MDGA2: variants seen among roughly 807,000 people sequenced by gnomAD.
MDGA2 encodes MAM domain-containing glycosylphosphatidylinositol anchor protein 2.
In MDGA2, 40 loss-of-function variants were observed where a neutral mutation model predicts 117.8. The ratio of observed to expected loss-of-function variants is 0.34; its 90% CI spans 0.26 to 0.44. The LOEUF (loss-of-function observed/expected upper bound fraction) is 0.44, where lower values mean the gene tolerates loss of function less well. MDGA2 is among the 20% of genes least tolerant of loss of function. The pLI is 1.00. For missense variants in MDGA2, 1,123 were observed against 1,250.6 expected (o/e 0.90, Z 1.54); for synonymous variants, 452 against 439.0 (o/e 1.03, Z -0.37).
chr14:47,293,471 A>G (rs947391938), intron 2 of MDGA2, among the ~76,000 whole-genome samples: 3 of 152,224 alleles, frequency 2.0e-5, no homozygotes, highest in Admixed American at 6.5e-5. Context: ...GGCATAGAGA[A>G]GAGACAAATT....
chr14:47,490,764 T>C (rs1441070773), intron 1 of MDGA2, among the ~76,000 whole-genome samples: 1 of 152,124 alleles, frequency 6.6e-6, no homozygotes, highest in Non-Finnish European at 1.5e-5. Flanking sequence ...TCAGCTGTAA[T>C]AAGTGAAATG....
At chr14:47,660,207 C>T (rs1897819733) in intron 1 of MDGA2, among the ~76,000 whole-genome samples, 1 of 152,102 alleles carries the variant, frequency 6.6e-6, no homozygotes, top group Admixed American at 6.6e-5. Context: ...ACTCAATTGC[C>T]TCTGAAAATT....
At chr14:47,196,030 TA>T (rs1372549676) in intron 3 of MDGA2, among the ~76,000 whole-genome samples, 2 of 152,060 alleles carry the variant, frequency 1.3e-5, no homozygotes, top group African/African-American at 4.8e-5. Flanking sequence ...AGTTAAATAG[TA>T]AACTTATAAG....
intron 3 of MDGA2, among the ~76,000 whole-genome samples, chr14:47,180,637 C>G (rs114632746): frequency 1.2e-3 from 179 of 152,228 alleles, no homozygotes; most frequent in African/African-American, 4.1e-3. Context: ...TACCATCTCA[C>G]AGCAGTCAGA....
chr14:47,589,285 A>C (rs1252110138), intron 1 of MDGA2, among the ~76,000 whole-genome samples: 1 of 151,908 alleles, frequency 6.6e-6, no homozygotes, highest in Non-Finnish European at 1.5e-5. Context: ...TTAGGCCTAC[A>C]TTTTCTTCTA....
intron 1 of MDGA2, among the ~76,000 whole-genome samples, chr14:47,540,563 T>TATATATATATATATATATATATATATAC (rs370481455): frequency 2.7e-5 from 3 of 112,538 alleles, no homozygotes; most frequent in Non-Finnish European, 5.6e-5. Context: ...TGTATATATA[T>TATATATATATATATATATATATATATAC]ACACACACAC....
chr14:46,920,126 G>T lies in MDGA2; in HGVS notation c.2124C>A (p.Thr708=). The T allele has an allele frequency of 6.2e-7, 1 of 1,609,788 alleles. No homozygotes were observed. Among genetic ancestry groups the T allele is most frequent in the Non-Finnish European group, 8.5e-7 (1 of 1,178,350 alleles). The change falls in exon 10 of 17, where the codon ACC becomes ACA. Residue 708 remains threonine (T), a synonymous_variant. Transcript: ENST00000399232. The part of the protein sequence containing the change: ...KAYAPEFYYD[T]YNPVWQNRHR... ...GTCTGTTCTGCCATACTGGATTGTAGGTATCATAATAGAATTCTGGAGCAT... is the reference window on the plus strand; with the variant it reads ...GTCTGTTCTGCCATACTGGATTGTATGTATCATAATAGAATTCTGGAGCAT...
chr14:47,411,933 T>C (rs1453951819), intron 1 of MDGA2, among the ~76,000 whole-genome samples: 3 of 152,148 alleles, frequency 2.0e-5, no homozygotes, highest in Non-Finnish European at 4.4e-5. Context: ...CACAAAGACA[T>C]TGAAAAGTAG....
intron 1 of MDGA2, among the ~76,000 whole-genome samples, chr14:47,561,163 G>GGT (rs1555332269): frequency 2.4e-5 from 2 of 83,876 alleles, no homozygotes; most frequent in Non-Finnish European, 4.8e-5. Flanking sequence ...GTTTTGTTTT[G>GGT]TTTTTTTGTT....
At chr14:47,301,265 T>G in intron 2 of MDGA2, 146 bp downstream of exon 2, 1 of 778,420 alleles carries the variant, frequency 1.3e-6, no homozygotes, top group Non-Finnish European at 2.0e-6. Flanking sequence ...TACTTGCACT[T>G]GAGTTACACA....
intron 1 of MDGA2, among the ~76,000 whole-genome samples, chr14:47,492,910 C>CA (rs1894202009): frequency 6.6e-6 from 1 of 151,968 alleles, no homozygotes; most frequent in East Asian, 1.9e-4. Context: ...AGTATCAAGC[C>CA]AAAAACCAGA....
intron 7 of MDGA2, among the ~76,000 whole-genome samples, chr14:47,049,268 T>C (rs745840355): frequency 1.5e-4 from 23 of 151,978 alleles, no homozygotes; most frequent in Admixed American, 4.6e-4. Flanking sequence ...AATTCTTCCT[T>C]GATATTCACA....
chr14:47,666,658 C>T (rs921463479), intron 1 of MDGA2, among the ~76,000 whole-genome samples: 17 of 152,128 alleles, frequency 1.1e-4, no homozygotes, highest in Non-Finnish European at 2.4e-4. Context: ...TGGGTGGGGC[C>T]AGATAAGGGA....
intron 5 of MDGA2, among the ~76,000 whole-genome samples, chr14:47,130,914 T>A (rs535309425): frequency 6.6e-6 from 1 of 152,242 alleles, no homozygotes; most frequent in African/African-American, 2.4e-5. Flanking sequence ...ATATACCTAA[T>A]GTAAATGACG....
intron 1 of MDGA2, among the ~76,000 whole-genome samples, chr14:47,540,563 T>TATATATATACACACACACACAC (rs370481455): frequency 8.9e-6 from 1 of 112,522 alleles, no homozygotes; most frequent in African/African-American, 2.9e-5. Context: ...TGTATATATA[T>TATATATATACACACACACACAC]ACACACACAC....
intron 10 of MDGA2, among the ~76,000 whole-genome samples, chr14:46,894,661 T>A (rs775459910): frequency 6.6e-6 from 1 of 152,170 alleles, no homozygotes; most frequent in Non-Finnish European, 1.5e-5. Context: ...GTTACATAAA[T>A]CATTAAATGA....
intron 1 of MDGA2, among the ~76,000 whole-genome samples, chr14:47,392,847 GA>G (rs1188243029): frequency 6.6e-6 from 1 of 152,056 alleles, no homozygotes; most frequent in Non-Finnish European, 1.5e-5. Context: ...TGCCTAAATG[GA>G]AATAAGGATC....
intron 1 of MDGA2, among the ~76,000 whole-genome samples, chr14:47,609,191 G>T (rs113032652): frequency 0.015 from 2,206 of 151,122 alleles, 53 homozygotes; most frequent in African/African-American, 0.05. Context: ...AGTATTTGTT[G>T]TCTTTTATCC....
intron 1 of MDGA2, among the ~76,000 whole-genome samples, chr14:47,532,876 GCTATGCTTTC>G (rs1895128153): frequency 6.6e-6 from 1 of 152,156 alleles, no homozygotes; most frequent in Non-Finnish European, 1.5e-5. Context: ...ATCTGATTTT[GCTATGCTTTC>G]CTGTTCTTCC....
Sources: allele counts gnomAD v4.1 joint callset (sites outside exome capture counted in the v4.1 genomes callset), GRCh38; gene constraint gnomAD v4.1.1; transcripts MANE v1.5; gene names NCBI Gene and HGNC (gene_info 2026-07-23, HGNC 2026-07-21).